The following RIN2 variants were observed in gnomAD, a reference collection of about 807,000 sequenced individuals.
RIN2 encodes the protein RAB5 interacting protein 2.
In RIN2, 36 loss-of-function variants were observed where a neutral mutation model predicts 78.0. The ratio of observed to expected loss-of-function variants is 0.46; its 90% CI spans 0.35 to 0.61. The LOEUF is 0.61. RIN2 is among the 20% of genes least tolerant of loss of function. RIN2 has a pLI of 0.00. For missense variants in RIN2, 1,087 were observed against 1,159.7 expected (o/e 0.94, Z 0.91); for synonymous variants, 466 against 466.8 (o/e 1.00, Z 0.02).
Position 19,929,529 on chromosome 20 carries a change from T to G in RIN2, c.58-5570T>G, listed in dbSNP as rs6046460. Among the ~76,000 whole-genome samples, 514 of 152,286 alleles carry G rather than the reference T, an allele frequency of 3.4e-3. 6 individuals are homozygous for G. Among genetic ancestry groups the G allele is most frequent in the African/African-American group, 0.012 (497 of 41,564 alleles). ...GGCACATGCCACCATACCCAGCGAA[T>G]TTTTGCATTTTTAGTAGAGATGGGA... On this transcript the variant is annotated intron_variant, in intron 3 of 12. Coordinates refer to ENST00000255006, the MANE Select transcript of RIN2 (RefSeq NM_018993.4).
At chr20:19,770,095 G>T (rs1239166715) in intron 1 of RIN2, among the ~76,000 whole-genome samples, 1 of 152,164 alleles carries the variant, frequency 6.6e-6, no homozygotes, top group South Asian at 2.1e-4. Flanking sequence ...GTGTAATGAA[G>T]GTATGAAAGG....
intron 2 of RIN2, chr20:19,886,612 CTTTT>C (rs11362637): frequency 8.4e-3 from 4,330 of 514,470 alleles, no homozygotes; most frequent in South Asian, 9.8e-3. Flanking sequence ...TCTTCTTCTT[CTTTT>C]TTTTTTTTTT....
intron 2 of RIN2, among the ~76,000 whole-genome samples, chr20:19,835,111 A>G (rs201621813): frequency 8.4e-6 from 1 of 119,748 alleles, no homozygotes; most frequent in African/African-American, 2.9e-5. Flanking sequence ...AAAGAAAGAA[A>G]GAGGGAGGAA....
At chr20:19,971,543 G>C (rs918269604) in intron 8 of RIN2, among the ~76,000 whole-genome samples, 18 of 152,046 alleles carry the variant, frequency 1.2e-4, no homozygotes, top group African/African-American at 3.4e-4. Context: ...GATCAAAAGA[G>C]GAAATTCTCT....
intron 2 of RIN2, among the ~76,000 whole-genome samples, chr20:19,815,361 A>C (rs2035733179): frequency 6.6e-6 from 1 of 152,240 alleles, no homozygotes; most frequent in African/African-American, 2.4e-5. Flanking sequence ...AAAATTAAAG[A>C]AGTTATACAT....
intron 1 of RIN2, among the ~76,000 whole-genome samples, chr20:19,793,498 T>C: frequency 6.6e-6 from 1 of 151,942 alleles, no homozygotes; most frequent in Non-Finnish European, 1.5e-5. Context: ...TCTAGTACAA[T>C]TAATTTAAAG....
At chr20:19,968,861 G>A (rs1372139828) in intron 7 of RIN2, among the ~76,000 whole-genome samples, 1 of 152,108 alleles carries the variant, frequency 6.6e-6, no homozygotes, top group Non-Finnish European at 1.5e-5. Flanking sequence ...ATTAGCATCA[G>A]GGTTGCCGCC....
chr20:19,790,616 G>A (rs1458992559), intron 1 of RIN2, among the ~76,000 whole-genome samples: 1 of 151,984 alleles, frequency 6.6e-6, no homozygotes, highest in African/African-American at 2.4e-5. Context: ...GCAACATAGG[G>A]TTACCCCAGC....
intron 3 of RIN2, among the ~76,000 whole-genome samples, chr20:19,915,405 T>C (rs2039644147): frequency 6.6e-6 from 1 of 152,248 alleles, no homozygotes. Context: ...TGTGGTCTGA[T>C]CTGCTCAGCA....
At chr20:19,886,863 T>G in intron 2 of RIN2, 1 of 740,814 alleles carries the variant, frequency 1.3e-6, no homozygotes, top group Admixed American at 2.9e-5. Flanking sequence ...TGGGGAGGCA[T>G]GGGGAAGCGC....
chr20:19,846,388 T>TCCC (rs2036785204), intron 2 of RIN2, among the ~76,000 whole-genome samples: 1 of 152,136 alleles, frequency 6.6e-6, no homozygotes. Flanking sequence ...TTTGTTTGTG[T>TCCC]CCCCCTCTTA....
At chr20:19,872,132 G>A in intron 2 of RIN2, 1 of 152,100 alleles carries the variant, frequency 6.6e-6, no homozygotes, top group East Asian at 1.9e-4. Context: ...GGTTTTATAA[G>A]AGTTCAGAAG....
In RIN2 at chr20:19,839,699, C is replaced by G. The variant is rs190856143; in HGVS notation, c.-37+39952C>G. ...GCCTTTCTTCTTGCACCTTTGCAAC[C>G]CTGTACCCCTTCCCTCTCCACTTTT... On this transcript the variant is annotated intron_variant, in intron 2 of 12. Transcript: ENST00000255006. Among the ~76,000 whole-genome samples, 248 of 152,252 alleles carry G rather than the reference C, an allele frequency of 1.6e-3. 2 individuals carry two copies. Among genetic ancestry groups the G allele is most frequent in the African/African-American group, 5.7e-3 (235 of 41,538 alleles).
At chr20:19,851,290 CTCAA>C (rs1023812148) in intron 2 of RIN2, among the ~76,000 whole-genome samples, 1 of 151,986 alleles carries the variant, frequency 6.6e-6, no homozygotes, top group Non-Finnish European at 1.5e-5. Flanking sequence ...CCATAGAGGA[CTCAA>C]TCAATAAGAA....
intron 2 of RIN2, chr20:19,823,949 A>T: frequency 6.7e-7 from 1 of 1,494,984 alleles, no homozygotes. Flanking sequence ...AGCATGGTGG[A>T]GGCAGCTGGT....
chr20:19,791,804 TG>T, intron 1 of RIN2, among the ~76,000 whole-genome samples: 1 of 152,214 alleles, frequency 6.6e-6, no homozygotes, highest in Middle Eastern at 3.2e-3. Flanking sequence ...AACTCAGCAC[TG>T]GGGTTGTCTT....
chr20:19,986,215 G>C (rs556340489), intron 9 of RIN2, among the ~76,000 whole-genome samples: 1 of 151,804 alleles, frequency 6.6e-6, no homozygotes, highest in Non-Finnish European at 1.5e-5. Flanking sequence ...TTTCCTTCTC[G>C]CTTTATGAGC....
chr20:19,918,571 G>A lies in RIN2; in HGVS notation c.58-16528G>A, dbSNP rs116373355. 2.7e-3 allele frequency among the ~76,000 whole-genome samples: 410 copies of A among 152,220 alleles called. 2 individuals carry two copies. The highest frequency in any genetic ancestry group is 9.4e-3 in the African/African-American group (389 of 41,524). On this transcript the variant is annotated intron_variant, in intron 3 of 12. Coordinates refer to ENST00000255006, the MANE Select transcript of RIN2 (RefSeq NM_018993.4). ...GAAGGTTAGAGATAAGCTTGCTATT[G>A]TCAGCATTCAACCACTTTTTGACCT...
intron 2 of RIN2, among the ~76,000 whole-genome samples, chr20:19,862,248 C>T (rs1007908145): frequency 6.6e-6 from 1 of 152,166 alleles, no homozygotes; most frequent in Non-Finnish European, 1.5e-5. Context: ...ATCCACTGTC[C>T]CTCCACTCTT....
Sources: allele counts gnomAD v4.1 joint callset (sites outside exome capture counted in the v4.1 genomes callset), GRCh38; gene constraint gnomAD v4.1.1; transcripts MANE v1.5; gene names NCBI Gene and HGNC (gene_info 2026-07-23, HGNC 2026-07-21).